The following CSMD3 variants were observed in gnomAD, a reference collection of about 807,000 sequenced individuals.
The protein encoded by CSMD3 is CUB and sushi domain-containing protein 3.
CSMD3 carries 177 observed loss-of-function variants against 435.2 expected under a neutral mutation model. The observed-to-expected ratio is 0.41, with a 90% CI of 0.36 to 0.46. The LOEUF (loss-of-function observed/expected upper bound fraction) is 0.46. CSMD3 is among the 20% of genes least tolerant of loss of function. The pLI is 0.34. For missense variants in CSMD3, 4,265 were observed against 4,504.6 expected (o/e 0.95, Z 1.52); for synonymous variants, 1,656 against 1,520.5 (o/e 1.09, Z -2.07).
At chr8:113,123,637 C>T (rs776008196) in intron 4 of CSMD3, among the ~76,000 whole-genome samples, 1 of 151,996 alleles carries the variant, frequency 6.6e-6, no homozygotes, top group African/African-American at 2.4e-5. Flanking sequence ...TGAATATCCA[C>T]CTGTAAACCA....
At chr8:113,048,068 G>GAT (rs1293820657) in intron 5 of CSMD3, among the ~76,000 whole-genome samples, 1 of 147,684 alleles carries the variant, frequency 6.8e-6, no homozygotes, top group Non-Finnish European at 1.5e-5. Context: ...TAGATAGTTT[G>GAT]ATGTAACTTC....
chr8:113,009,025 C>T lies in CSMD3; in HGVS notation c.1030+10042G>A, dbSNP rs192776021. ...ATATGTTGAAATGTTAATATTTTTG[C>T]CATATTGCTTACATATAATTAAAAT... is the stretch of plus-strand genomic sequence containing the variant. On this transcript the variant is annotated intron_variant, in intron 6 of 70. Coordinates refer to ENST00000297405, the MANE Select transcript of CSMD3 (RefSeq NM_198123.2). Among the ~76,000 whole-genome samples the T allele has an allele frequency of 6.7e-4, 102 of 151,170 alleles. 2 individuals are homozygous for T. The highest frequency in any genetic ancestry group is 5.0e-3 in the Admixed American group (76 of 15,120).
rs780344765 is a variant in CSMD3, at chr8:112,685,597, T to C, written c.2291A>G (p.Asn764Ser). 3 of 1,613,940 alleles carry C rather than the reference T, an allele frequency of 1.9e-6. No individual in the cohort carries two copies. The highest frequency in any genetic ancestry group is 2.2e-5 in the East Asian group (1 of 44,840). ...DPGSRIHLSF[N>S]DFDLESQFDF... ...AAACTGGGATTCCAGGTCAAAGTCA[T>C]TGAAAGAAAGATGTATCCGGCTCCC... The change falls in exon 15 of 71, where the codon AAT (asparagine) becomes AGT (serine). Residue 764 changes from asparagine to serine, a missense_variant. Coordinates refer to ENST00000297405, the MANE Select transcript of CSMD3 (RefSeq NM_198123.2).
intron 1 of CSMD3, among the ~76,000 whole-genome samples, chr8:113,348,643 C>T (rs1320789000): frequency 1.3e-5 from 2 of 151,996 alleles, no homozygotes; most frequent in African/African-American, 2.4e-5. Flanking sequence ...AGATTGTGTT[C>T]ATATTCAGTT....
At chr8:112,956,316 A>T (rs1452560295) in intron 7 of CSMD3, among the ~76,000 whole-genome samples, 1 of 151,818 alleles carries the variant, frequency 6.6e-6, no homozygotes, top group Non-Finnish European at 1.5e-5. Flanking sequence ...CCTCATCCCC[A>T]CCCCGATGGT....
At chr8:112,246,989 G>A (rs1305769305) in intron 64 of CSMD3, 31 bp downstream of exon 64, 2 of 1,427,216 alleles carry the variant, frequency 1.4e-6, no homozygotes, top group Admixed American at 1.7e-5. Context: ...TCTTACCCAT[G>A]ATAGCATTAT....
At chr8:112,317,782 C>G (rs1005589149) in intron 47 of CSMD3, among the ~76,000 whole-genome samples, 2 of 151,972 alleles carry the variant, frequency 1.3e-5, no homozygotes, top group Admixed American at 6.6e-5. Flanking sequence ...TCTTGAAAGG[C>G]TTTCAATTTT....
chr8:112,244,312 T>G, intron 65 of CSMD3, 82 bp downstream of exon 65: 1 of 1,198,538 alleles, frequency 8.3e-7, no homozygotes, highest in Non-Finnish European at 1.2e-6. Flanking sequence ...CCTATGCTAA[T>G]TTGAGTTGAG....
intron 4 of CSMD3, among the ~76,000 whole-genome samples, chr8:113,117,771 TGGG>T (rs1287697283): frequency 1.3e-5 from 2 of 152,214 alleles, no homozygotes; most frequent in Admixed American, 6.5e-5. Flanking sequence ...ATGTGAGACA[TGGG>T]ATCAAAGGAG....
At chr8:112,637,086 C>T in intron 21 of CSMD3, 81 bp from the exon 22 acceptor site, 2 of 1,148,436 alleles carry the variant, frequency 1.7e-6, no homozygotes, top group Non-Finnish European at 2.6e-6. Flanking sequence ...AAGGTATATT[C>T]CTATTGTTTT....
chr8:113,297,179 C>T (rs2093729087), intron 2 of CSMD3, among the ~76,000 whole-genome samples: 1 of 151,944 alleles, frequency 6.6e-6, no homozygotes, highest in Non-Finnish European at 1.5e-5. Flanking sequence ...TTCCACGTAG[C>T]TATTATGAAA....
At chr8:112,545,817 T>C (rs933117941) in intron 27 of CSMD3, among the ~76,000 whole-genome samples, 1 of 152,162 alleles carries the variant, frequency 6.6e-6, no homozygotes, top group African/African-American at 2.4e-5. Context: ...GTGGCTTATT[T>C]TAATGAACTA....
chr8:112,267,464 T>A (rs886105236), intron 59 of CSMD3, among the ~76,000 whole-genome samples: 4 of 152,098 alleles, frequency 2.6e-5, no homozygotes, highest in Admixed American at 2.6e-4. Flanking sequence ...CAATACGTCA[T>A]CTCTTTTTAT....
At chr8:112,790,456 T>G (rs2078659062) in intron 13 of CSMD3, among the ~76,000 whole-genome samples, 1 of 151,992 alleles carries the variant, frequency 6.6e-6, no homozygotes, top group African/African-American at 2.4e-5. Context: ...GCAAGTCAGA[T>G]ATTTCTTAGG....
At chr8:112,604,389 C>G (rs1473051492) in intron 22 of CSMD3, among the ~76,000 whole-genome samples, 4 of 151,838 alleles carry the variant, frequency 2.6e-5, no homozygotes, top group Admixed American at 2.0e-4. Flanking sequence ...GGAATAGCCA[C>G]AGATCAATAC....
At chr8:112,639,187 T>C (rs2074748034) in intron 20 of CSMD3, among the ~76,000 whole-genome samples, 1 of 152,086 alleles carries the variant, frequency 6.6e-6, no homozygotes, top group African/African-American at 2.4e-5. Context: ...CCTGGTTTTC[T>C]GAAAATTTCA....
chr8:112,303,723 C>G (rs1375117838), intron 52 of CSMD3, among the ~76,000 whole-genome samples: 1 of 151,820 alleles, frequency 6.6e-6, no homozygotes, highest in Non-Finnish European at 1.5e-5. Context: ...TATAGAGATT[C>G]AAAAAATAAA....
chr8:112,750,338 A>C (rs2077538920), intron 13 of CSMD3, among the ~76,000 whole-genome samples: 1 of 151,706 alleles, frequency 6.6e-6, no homozygotes, highest in African/African-American at 2.4e-5. Context: ...TAATTTAATA[A>C]TTTTATTAAA....
At chr8:112,637,144 A>G in intron 21 of CSMD3, 139 bp from the exon 22 acceptor site, 1 of 697,330 alleles carries the variant, frequency 1.4e-6, no homozygotes, top group Non-Finnish European at 2.5e-6. Context: ...TAGCTATCAG[A>G]ACGTACAAAT....
Sources: gnomAD v4.1 joint callset for allele counts (sites outside exome capture counted in the v4.1 genomes callset) on GRCh38, gnomAD v4.1.1 for gene constraint, MANE v1.5 for transcripts, NCBI Gene and HGNC (gene_info 2026-07-23, HGNC 2026-07-21) for gene names.